The following SIPA1L1 variants were observed in gnomAD, a reference collection of about 807,000 sequenced individuals.
The protein encoded by SIPA1L1 is signal-induced proliferation-associated 1-like protein 1.
Under a neutral mutation model 162.7 loss-of-function variants are expected in SIPA1L1, and 26 were observed. The ratio of observed to expected loss-of-function variants is 0.16; its 90% CI spans 0.12 to 0.22. The LOEUF (loss-of-function observed/expected upper bound fraction) is 0.22, where lower values mean the gene tolerates loss of function less well. SIPA1L1 is among the 10% of genes least tolerant of loss of function. The probability of loss-of-function intolerance (pLI) is 1.00; values close to 1 mark genes in which losing one functional copy is unlikely to be tolerated. For missense variants in SIPA1L1, 1,874 were observed against 2,241.0 expected (o/e 0.84, Z 3.31); for synonymous variants, 829 against 837.4 (o/e 0.99, Z 0.17).
At chr14:71,419,792 C>T (rs758669516) in intron 2 of SIPA1L1, among the ~76,000 whole-genome samples, 2 of 151,814 alleles carry the variant, frequency 1.3e-5, no homozygotes, top group African/African-American at 2.4e-5. Context: ...CCACCGCGCC[C>T]GGCCAAGGAG....
At chr14:71,682,573 G>C (rs2045905917) in intron 12 of SIPA1L1, among the ~76,000 whole-genome samples, 1 of 152,120 alleles carries the variant, frequency 6.6e-6, no homozygotes, top group African/African-American at 2.4e-5. Context: ...TACTATATTT[G>C]GCCAATGTGG....
At chr14:71,353,330 T>G (rs2140663564) in intron 2 of SIPA1L1, among the ~76,000 whole-genome samples, 1 of 152,314 alleles carries the variant, frequency 6.6e-6, no homozygotes, top group African/African-American at 2.4e-5. Context: ...AGGTCACTAA[T>G]CATACAGGTG....
At chr14:71,351,615 A>C (rs538655610) in intron 2 of SIPA1L1, among the ~76,000 whole-genome samples, 31 of 108,364 alleles carry the variant, frequency 2.9e-4, no homozygotes, top group African/African-American at 9.8e-4. Context: ...AATACGGTTT[A>C]TTATTACCAT....
chr14:71,719,570 T>C (rs2083533584), intron 17 of SIPA1L1, among the ~76,000 whole-genome samples: 1 of 152,198 alleles, frequency 6.6e-6, no homozygotes, highest in Non-Finnish European at 1.5e-5. Context: ...CTAGGCTCAC[T>C]GCAACTTCCA....
At chr14:71,675,121 A>G (rs2045000166) in intron 12 of SIPA1L1, among the ~76,000 whole-genome samples, 1 of 152,164 alleles carries the variant, frequency 6.6e-6, no homozygotes, top group African/African-American at 2.4e-5. Context: ...GTTCCAAGCT[A>G]CCGATGTGAT....
intron 2 of SIPA1L1, among the ~76,000 whole-genome samples, chr14:71,502,255 A>ATATATATATATATATATAT (rs1555440997): frequency 2.5e-4 from 24 of 97,544 alleles, no homozygotes; most frequent in African/African-American, 6.8e-4. Context: ...AAAAAAAAAA[A>ATATATATATATATATATAT]ATATATATAT....
intron 7 of SIPA1L1, among the ~76,000 whole-genome samples, chr14:71,625,768 T>C (rs1320738067): frequency 6.6e-6 from 1 of 152,250 alleles, no homozygotes; most frequent in Non-Finnish European, 1.5e-5. Context: ...AATAAAAACA[T>C]TTAGACATTG....
intron 13 of SIPA1L1, among the ~76,000 whole-genome samples, chr14:71,698,470 C>A (rs1023486549): frequency 6.6e-6 from 1 of 152,102 alleles, no homozygotes; most frequent in African/African-American, 2.4e-5. Context: ...GATACTACTA[C>A]CAACCAGAAT....
intron 4 of SIPA1L1, among the ~76,000 whole-genome samples, chr14:71,546,093 A>AG (rs532086484): frequency 3.9e-5 from 6 of 152,240 alleles, no homozygotes; most frequent in South Asian, 2.1e-4. Context: ...AGGAAAAAAA[A>AG]AGAGAGAGAG....
Position 71,709,565 on chromosome 14 carries a change from C to T in SIPA1L1, c.4109C>T (p.Ser1370Phe), listed in dbSNP as rs745696139. 6.2e-7 allele frequency: 1 copy of T among 1,614,186 alleles called. No individual in the cohort carries two copies. The highest frequency in any genetic ancestry group is 1.1e-5 in the South Asian group (1 of 91,086). ...SHGLDRKTES[S>F]LSLDIHSKSQ... ...GGCCTGGACCGGAAAACAGAGTCTTCCCTGAGCTTAGACATACACAGCAAG... is the reference window on the plus strand; with the variant it reads ...GGCCTGGACCGGAAAACAGAGTCTTTCCTGAGCTTAGACATACACAGCAAG... Residue 1370 changes from serine (S) to phenylalanine (F), a missense_variant, in exon 17 of 24, where the codon TCC becomes TTC. Around this residue, in one of 5 missense-constraint regions of SIPA1L1, gnomAD observed 936 missense variants for 1,051.9 expected, o/e 0.89. Coordinates refer to ENST00000381232, the MANE Select transcript of SIPA1L1 (RefSeq NM_001386936.1).
chr14:71,378,064 G>C (rs1318235820), intron 2 of SIPA1L1, among the ~76,000 whole-genome samples: 2 of 151,792 alleles, frequency 1.3e-5, no homozygotes, highest in African/African-American at 2.4e-5. Context: ...CTGGTTTTTT[G>C]GTTTTGTATT....
chr14:71,505,968 C>G (rs891830185), intron 2 of SIPA1L1, among the ~76,000 whole-genome samples: 1 of 148,338 alleles, frequency 6.7e-6, no homozygotes, highest in Non-Finnish European at 1.5e-5. Context: ...ATTCCCCCCC[C>G]CCAAAAAAAA....
intron 2 of SIPA1L1, among the ~76,000 whole-genome samples, chr14:71,448,451 G>T (rs547732061): frequency 3.2e-4 from 49 of 152,290 alleles, no homozygotes; most frequent in African/African-American, 1.2e-3. Flanking sequence ...TATGGGGCTA[G>T]TTGTGTTCCC....
intron 2 of SIPA1L1, among the ~76,000 whole-genome samples, chr14:71,338,403 G>GA (rs2035308574): frequency 6.6e-6 from 1 of 152,180 alleles, no homozygotes; most frequent in Admixed American, 6.5e-5. Flanking sequence ...GTAAACATTA[G>GA]AAAGGACTTT....
At position 71,464,079 on chromosome 14, in the gene SIPA1L1, C is replaced by T. The variant is rs1259755331; in HGVS notation, c.-464-48664C>T. ...GCAATTACAGTGCTTTTCACAGATG[C>T]AGGTGCTGCCCTCAGCAATCTGTTT... On this transcript the variant is annotated intron_variant, in intron 2 of 23. Transcript: ENST00000381232. Among the ~76,000 whole-genome samples, 6 of 152,312 alleles carry T rather than the reference C, an allele frequency of 3.9e-5. No homozygotes were observed. In the East Asian group the frequency reaches 9.6e-4, roughly 24 times the overall value.
At chr14:71,402,597 C>T (rs1353823216) in intron 2 of SIPA1L1, among the ~76,000 whole-genome samples, 2 of 152,112 alleles carry the variant, frequency 1.3e-5, no homozygotes, top group African/African-American at 4.8e-5. Context: ...GATCTGCCCG[C>T]CTTGGCCTCT....
intron 2 of SIPA1L1, among the ~76,000 whole-genome samples, chr14:71,477,470 G>C (rs544570862): frequency 2.0e-5 from 3 of 152,108 alleles, no homozygotes; most frequent in African/African-American, 7.2e-5. Context: ...TTATGTGGAA[G>C]TATAGAGCAG....
chr14:71,370,447 T>G (rs761235865), intron 2 of SIPA1L1, among the ~76,000 whole-genome samples: 1 of 152,128 alleles, frequency 6.6e-6, no homozygotes, highest in Non-Finnish European at 1.5e-5. Context: ...TTGGCTCTTA[T>G]TTTTGTGGTA....
intron 2 of SIPA1L1, among the ~76,000 whole-genome samples, chr14:71,475,275 C>T (rs779633601): frequency 6.6e-6 from 1 of 152,190 alleles, no homozygotes. Flanking sequence ...TTATCTGTTC[C>T]TGCATACTGT....
Sources: gnomAD v4.1 joint callset for allele counts (sites outside exome capture counted in the v4.1 genomes callset) on GRCh38, gnomAD v4.1.1 for gene constraint, gnomAD v4.1.1 regional missense constraint, MANE v1.5 for transcripts, NCBI Gene and HGNC (gene_info 2026-07-23, HGNC 2026-07-21) for gene names.